MAP4: variants seen among roughly 807,000 people sequenced by gnomAD.
MAP4 encodes the protein microtubule associated protein 4.
MAP4 carries 76 observed loss-of-function variants against 170.2 expected under a neutral mutation model. The ratio of observed to expected loss-of-function variants is 0.45; its 90% CI spans 0.37 to 0.54. MAP4 has a LOEUF of 0.54. MAP4 is among the 20% of genes least tolerant of loss of function. MAP4 has a pLI of 0.00. For synonymous variants in MAP4, 909 were observed against 994.5 expected (o/e 0.91, Z 1.62); for missense variants, 2,506 against 2,748.0 (o/e 0.91, Z 1.97).
At chr3:47,889,136 T>C (rs1159747663) in intron 10 of MAP4, among the ~76,000 whole-genome samples, 1 of 152,196 alleles carries the variant, frequency 6.6e-6, no homozygotes, top group Non-Finnish European at 1.5e-5. Flanking sequence ...ATACAGATTT[T>C]TAAAGGGAAG....
At chr3:47,877,370 GT>G in intron 11 of MAP4, 46 bp downstream of exon 11, 6 of 1,406,448 alleles carry the variant, frequency 4.3e-6, no homozygotes, top group Non-Finnish European at 5.0e-6. Context: ...AAGATACTCC[GT>G]TTAAAAATTA....
chr3:48,050,880 G>T (rs933473744), intron 1 of MAP4, among the ~76,000 whole-genome samples: 1 of 150,886 alleles, frequency 6.6e-6, no homozygotes, highest in African/African-American at 2.4e-5. Flanking sequence ...ACTCCAGCCT[G>T]GGCAACAAGA....
chr3:47,987,428 G>C (rs750090401), intron 2 of MAP4: 6 of 1,530,378 alleles, frequency 3.9e-6, no homozygotes, highest in South Asian at 3.6e-5. Flanking sequence ...GGGGGTAGTG[G>C]GAGGTCTAGA....
intron 3 of MAP4, among the ~76,000 whole-genome samples, chr3:47,961,762 A>G (rs2100071706): frequency 6.6e-6 from 1 of 152,128 alleles, no homozygotes; most frequent in Admixed American, 6.5e-5. Flanking sequence ...AGAACACCCC[A>G]TGGTGCTCAT....
chr3:47,892,484 A>C, intron 10 of MAP4: 1 of 1,526,968 alleles, frequency 6.5e-7, no homozygotes, highest in Non-Finnish European at 8.8e-7. Flanking sequence ...CTTGTCTGAG[A>C]GCGACATCGT....
intron 18 of MAP4, among the ~76,000 whole-genome samples, chr3:47,857,104 C>T (rs983785645): frequency 3.9e-5 from 6 of 152,356 alleles, no homozygotes; most frequent in African/African-American, 1.2e-4. Flanking sequence ...GCAGTAGCTT[C>T]TGTAATCCTC....
intron 1 of MAP4, among the ~76,000 whole-genome samples, chr3:48,070,522 A>C (rs1387167088): frequency 6.9e-6 from 1 of 144,358 alleles, no homozygotes; most frequent in Non-Finnish European, 1.5e-5. Context: ...GGGTCTCACT[A>C]TGCTGCTTAG....
intron 2 of MAP4, among the ~76,000 whole-genome samples, chr3:47,989,667 T>C (rs551633089): frequency 5.3e-5 from 8 of 151,790 alleles, no homozygotes; most frequent in African/African-American, 1.9e-4. Context: ...CAGGAGAGAA[T>C]AAAAACAACG....
intron 3 of MAP4, among the ~76,000 whole-genome samples, chr3:47,944,626 C>A (rs1033723420): frequency 1.3e-5 from 2 of 151,918 alleles, no homozygotes; most frequent in Non-Finnish European, 2.9e-5. Flanking sequence ...CAAATATGCC[C>A]TTTATCACCT....
chr3:48,083,296 T>TTA (rs910170000), intron 1 of MAP4, among the ~76,000 whole-genome samples: 1 of 152,358 alleles, frequency 6.6e-6, no homozygotes, highest in South Asian at 2.1e-4. Context: ...TTACAACTCT[T>TTA]CTGTAAACCT....
chr3:47,880,410 C>A (rs1170076065), intron 10 of MAP4, among the ~76,000 whole-genome samples: 1 of 149,092 alleles, frequency 6.7e-6, no homozygotes, highest in East Asian at 2.0e-4. Context: ...ACCTGGCTGA[C>A]AATTACTTTT....
At chr3:47,980,194 T>C (rs955906276) in intron 2 of MAP4, among the ~76,000 whole-genome samples, 1 of 152,180 alleles carries the variant, frequency 6.6e-6, no homozygotes, top group African/African-American at 2.4e-5. Context: ...TATACTAAAA[T>C]TCTTGATGGG....
At chr3:47,885,930 G>A (rs1054647994) in intron 10 of MAP4, among the ~76,000 whole-genome samples, 6 of 152,068 alleles carry the variant, frequency 3.9e-5, no homozygotes, top group African/African-American at 1.4e-4. Flanking sequence ...GGGTTTCGCT[G>A]TGTTAGCCAG....
At chr3:47,861,960 G>A (rs1300522651) in intron 17 of MAP4, among the ~76,000 whole-genome samples, 1 of 151,802 alleles carries the variant, frequency 6.6e-6, no homozygotes, top group East Asian at 1.9e-4. Context: ...AGGAGATCGA[G>A]ACCATCCTGG....
intron 1 of MAP4, among the ~76,000 whole-genome samples, chr3:48,038,925 G>C (rs935463544): frequency 6.6e-6 from 1 of 152,030 alleles, no homozygotes; most frequent in Non-Finnish European, 1.5e-5. Flanking sequence ...AACATGGTGA[G>C]ATCCAGTCTC....
chr3:47,958,010 C>T (rs1272181690), intron 3 of MAP4, among the ~76,000 whole-genome samples: 1 of 152,168 alleles, frequency 6.6e-6, no homozygotes, highest in Admixed American at 6.5e-5. Flanking sequence ...TACTAGCATA[C>T]ACAACAATGG....
chr3:47,983,416 TC>T (rs2100086577), intron 2 of MAP4, among the ~76,000 whole-genome samples: 2 of 151,992 alleles, frequency 1.3e-5, no homozygotes, highest in Admixed American at 6.6e-5. Context: ...AGACTGAGTC[TC>T]CCTCTGTCAC....
chr3:47,899,034 T>A (rs1415244491), intron 10 of MAP4, among the ~76,000 whole-genome samples: 1 of 152,124 alleles, frequency 6.6e-6, no homozygotes, highest in African/African-American at 2.4e-5. Context: ...ATTACAGACA[T>A]AATCTCAATC....
chr3:48,058,008 C>T (rs1579659542), intron 1 of MAP4, among the ~76,000 whole-genome samples: 1 of 152,332 alleles, frequency 6.6e-6, no homozygotes, highest in East Asian at 1.9e-4. Flanking sequence ...CAAGCACCTA[C>T]ACCAAAGCCT....
Sources: allele counts gnomAD v4.1 joint callset (sites outside exome capture counted in the v4.1 genomes callset), GRCh38; gene constraint gnomAD v4.1.1; transcripts MANE v1.5; gene names NCBI Gene and HGNC (gene_info 2026-07-23, HGNC 2026-07-21).